The following CASKIN2 variants were observed in gnomAD, a reference collection of about 807,000 sequenced individuals.
CASKIN2 encodes the protein caskin-2.
CASKIN2 carries 41 observed loss-of-function variants against 107.1 expected under a neutral mutation model. The ratio of observed to expected loss-of-function variants is 0.38; its 90% CI spans 0.30 to 0.50. The LOEUF is 0.50. CASKIN2 is among the 20% of genes least tolerant of loss of function. CASKIN2 has a pLI of 0.92. For synonymous variants in CASKIN2, 724 were observed against 705.6 expected (o/e 1.03, Z -0.41); for missense variants, 1,546 against 1,657.4 (o/e 0.93, Z 1.17).
Position 75,506,437 on chromosome 17 carries a change from G to A in CASKIN2, c.618-24C>T, listed in dbSNP as rs374721272. On this transcript the variant is annotated intron_variant, in intron 7 of 19. Transcript: ENST00000321617. This position sits in a 1 kb window ranked among gnomAD's most constrained non-coding sequence, Gnocchi z 4.8. ...GCCTGCAGTGGACGGGGGGAGTCAC[G>A]GGGGAGGTGGCGTAGGAGGGGGTGC... is the stretch of plus-strand genomic sequence containing the variant. The A allele has an allele frequency of 7.5e-6, 12 of 1,600,128 alleles. No individual in the cohort carries two copies. Among genetic ancestry groups the A allele is most frequent in the East Asian group, 2.2e-5 (1 of 44,844 alleles).
At chr17:75,504,548 T>TG in intron 12 of CASKIN2, 24 bp downstream of exon 12, 2 of 1,594,544 alleles carry the variant, frequency 1.3e-6, no homozygotes, top group Non-Finnish European at 1.7e-6. Flanking sequence ...AGCCCTGACC[T>TG]GGTCCGTGAC....
At chr17:75,503,277 C>A (rs2146983494) in intron 17 of CASKIN2, 23 bp from the exon 18 acceptor site, 2 of 1,575,122 alleles carry the variant, frequency 1.3e-6, no homozygotes, top group African/African-American at 2.7e-5. Context: ...ACGGAAGTGG[C>A]AAGGTTAGCT....
In CASKIN2 at chr17:75,501,095, G is replaced by A. The variant is rs181867047; in HGVS notation, c.3594C>T (p.Asp1198=). ...GCTGGAGGGCTCAGTCCAGCATGGC[G>A]TCCAGCTGGTCAGCCAGGGCGTCGA... ...TMFDALADQL[D]AMLD Residue 1198 remains aspartate, a synonymous_variant, in exon 20 of 20, where the codon GAC becomes GAT. Coordinates refer to ENST00000321617, the MANE Select transcript of CASKIN2 (RefSeq NM_020753.5). 6.0e-5 allele frequency: 94 copies of A among 1,579,336 alleles called. No homozygotes were observed. Among genetic ancestry groups the A allele is most frequent in the African/African-American group, 4.8e-4 (36 of 74,382 alleles).
At chr17:75,511,630 T>G (rs934669339) in intron 2 of CASKIN2, among the ~76,000 whole-genome samples, 1 of 152,190 alleles carries the variant, frequency 6.6e-6, no homozygotes, top group Non-Finnish European at 1.5e-5. Context: ...CTCAGAGGAC[T>G]GGGAGGGGAG....
chr17:75,506,670 A>G lies in CASKIN2; in HGVS notation c.530T>C (p.Leu177Pro). Reference sequence around the variant, plus strand: ...ACACGGGTCTTTGGCCTCACCCTCCAGCAGTGCCACACATAAGTGGCTGTT... The same window carrying G: ...ACACGGGTCTTTGGCCTCACCCTCCGGCAGTGCCACACATAAGTGGCTGTT... ...LLNSHLCVAL[L>P]EGEAKDPCDP... The change falls in exon 7 of 20, where the codon CTG becomes CCG. Residue 177 changes from leucine to proline, a missense_variant. Physicochemically the swap from Leu to Pro is moderately conservative, Grantham distance 98 (BLOSUM62 -3). Around this residue, in one of 6 missense-constraint regions of CASKIN2, gnomAD observed 31 missense variants for 28.7 expected, o/e 1.08. Coordinates refer to ENST00000321617, the MANE Select transcript of CASKIN2 (RefSeq NM_020753.5). The surrounding 1 kb of genome is among the most constrained non-coding windows in gnomAD (Gnocchi z 4.8). 1 of 1,613,424 alleles carries G rather than the reference A, an allele frequency of 6.2e-7. No homozygotes were observed. Among genetic ancestry groups the G allele is most frequent in the Non-Finnish European group, 8.5e-7 (1 of 1,179,964 alleles).
chr17:75,508,187 C>G lies in CASKIN2; in HGVS notation c.146+47G>C, dbSNP rs570876853. 5 of 1,600,736 alleles carry G rather than the reference C, an allele frequency of 3.1e-6. No homozygotes were observed. In the Admixed American group the frequency reaches 8.3e-5, roughly 27 times the overall value. Reference sequence around the variant, plus strand: ...CTCCAGCCCCACCCCTGGGGCTCTACTGCCCCCACCCAGCAGCTCTGCAGA... The same window carrying G: ...CTCCAGCCCCACCCCTGGGGCTCTAGTGCCCCCACCCAGCAGCTCTGCAGA... On this transcript the variant is annotated intron_variant, in intron 3 of 19. Transcript: ENST00000321617.
rs2053275530 is a variant in CASKIN2, at chr17:75,507,248, G to A, written c.245-119C>T. 2.6e-6 allele frequency: 3 copies of A among 1,161,406 alleles called. No individual in the cohort carries two copies. The Admixed American group carries it at 7.7e-5, about 30-fold the overall frequency. 71.9% of individuals were successfully genotyped at this position (1,161,406 alleles called of 1,614,324 possible). A position where few individuals can be genotyped will look rare whatever the true frequency, so the allele number is the denominator to read the frequency against. ...GGCAGAGAGCCCACGGGGATGCAAT[G>A]CTGGCTCTATCCAGGTGTGCTTAGG... is the stretch of plus-strand genomic sequence containing the variant. On this transcript the variant is annotated intron_variant, in intron 4 of 19. Transcript: ENST00000321617.
At chr17:75,507,558 G>C in intron 4 of CASKIN2, 26 bp downstream of exon 4, 5 of 1,572,894 alleles carry the variant, frequency 3.2e-6, no homozygotes, top group Non-Finnish European at 3.5e-6. Context: ...CCCAGGGTGG[G>C]GGTCGGGGGC....
chr17:75,502,013 G>A lies in CASKIN2; in HGVS notation c.3061C>T (p.Pro1021Ser). Residue 1021 changes from proline to serine, a missense_variant, in exon 18 of 20, where the codon CCA (proline) becomes TCA (serine). Pro to Ser is a moderately conservative substitution (Grantham distance 74). Coordinates refer to ENST00000321617, the MANE Select transcript of CASKIN2 (RefSeq NM_020753.5). The surrounding 1 kb of genome is among the most constrained non-coding windows in gnomAD (Gnocchi z 4.3). ...VASATPGPAA[P>S]LPSPTPGESP... Reference sequence around the variant, plus strand: ...TCGCCAGGAGTTGGGGAAGGCAGTGGGGCAGCGGGGCCAGGCGTGGCACTG... The same window carrying A: ...TCGCCAGGAGTTGGGGAAGGCAGTGAGGCAGCGGGGCCAGGCGTGGCACTG... The A allele has an allele frequency of 6.2e-7, 1 of 1,612,738 alleles. No individual in the cohort carries two copies. The highest frequency in any genetic ancestry group is 8.5e-7 in the Non-Finnish European group (1 of 1,179,854).
At chr17:75,514,677 G>T (rs1036950392) in intron 1 of CASKIN2, among the ~76,000 whole-genome samples, 1 of 152,212 alleles carries the variant, frequency 6.6e-6, no homozygotes, top group African/African-American at 2.4e-5. Flanking sequence ...AGGCTTCAAG[G>T]CTTCGCTTTA....
intron 2 of CASKIN2, among the ~76,000 whole-genome samples, chr17:75,512,476 T>G (rs756972673): frequency 1.3e-5 from 2 of 152,054 alleles, no homozygotes; most frequent in Non-Finnish European, 2.9e-5. Context: ...CCCGGTCAGG[T>G]CTCGAGGCTA....
chr17:75,512,893 C>G (rs113748478), intron 2 of CASKIN2, among the ~76,000 whole-genome samples: 56 of 86,726 alleles, frequency 6.5e-4, no homozygotes, highest in African/African-American at 1.9e-3. Flanking sequence ...AAGCAAGACT[C>G]CGTCTCAAAA....
At chr17:75,508,567 G>T (rs1212529377) in intron 2 of CASKIN2, among the ~76,000 whole-genome samples, 3 of 152,222 alleles carry the variant, frequency 2.0e-5, no homozygotes, top group South Asian at 2.1e-4. Flanking sequence ...GGACTGGCAC[G>T]ATGTGCCCTC....
chr17:75,501,110 C>A lies in CASKIN2; in HGVS notation c.3579G>T (p.Leu1193=). Reference sequence around the variant, plus strand: ...CCAGCATGGCGTCCAGCTGGTCAGCCAGGGCGTCGAACATGGTGCTGATGT... The same window carrying A: ...CCAGCATGGCGTCCAGCTGGTCAGCAAGGGCGTCGAACATGGTGCTGATGT... ...LDDISTMFDA[L]ADQLDAMLD The change falls in exon 20 of 20, where the codon CTG becomes CTT. Residue 1193 remains leucine (L), a synonymous_variant. Coordinates refer to ENST00000321617, the MANE Select transcript of CASKIN2 (RefSeq NM_020753.5). The A allele has an allele frequency of 5.0e-6, 8 of 1,587,414 alleles. No individual in the cohort carries two copies. The highest frequency in any genetic ancestry group is 6.9e-6 in the Non-Finnish European group (8 of 1,166,836).
rs1308937301 is a variant in CASKIN2, at chr17:75,502,642, G to A, written c.2432C>T (p.Ala811Val). Residue 811 changes from alanine to valine, a missense_variant, in exon 18 of 20, where the codon GCT becomes GTT. By Grantham distance (64) the Ala-to-Val change is moderately conservative. Coordinates refer to ENST00000321617, the MANE Select transcript of CASKIN2 (RefSeq NM_020753.5). The surrounding 1 kb of genome is among the most constrained non-coding windows in gnomAD (Gnocchi z 4.3). ...LSRPGPTEGD[A>V]EGEAEGPVGS... Reference sequence around the variant, plus strand: ...CACTGGCCCTTCGGCCTCCCCCTCAGCATCCCCCTCTGTGGGGCCAGGGCG... The same window carrying A: ...CACTGGCCCTTCGGCCTCCCCCTCAACATCCCCCTCTGTGGGGCCAGGGCG... The A allele has an allele frequency of 1.9e-6, 3 of 1,605,622 alleles. No homozygotes were observed. The highest frequency in any genetic ancestry group is 1.1e-5 in the South Asian group (1 of 89,974).
At position 75,503,952 on chromosome 17, in the gene CASKIN2, G is replaced by GCCTGCGCGT; in HGVS notation, c.1469_1477dup (p.Asp490_Gln492dup). ...GAACTCGCTTAGCCAGTTATGAATG[G>GCCTGCGCGT]CCTGCGCGTCCTGCGGGGTGGGGGA... is the stretch of plus-strand genomic sequence containing the variant. On this transcript the variant is annotated inframe_insertion, in exon 15 of 20. Transcript: ENST00000321617. The GCCTGCGCGT allele has an allele frequency of 1.2e-6, 2 of 1,611,770 alleles. No individual in the cohort carries two copies. Among genetic ancestry groups the GCCTGCGCGT allele is most frequent in the Non-Finnish European group, 1.7e-6 (2 of 1,179,570 alleles).
In CASKIN2 at chr17:75,513,731, T is replaced by C. The variant is rs770422748; in HGVS notation, c.74A>G (p.Lys25Arg). 6.3e-7 allele frequency: 1 copy of C among 1,596,346 alleles called. No individual in the cohort carries two copies. The highest frequency in any genetic ancestry group is 1.1e-5 in the South Asian group (1 of 90,798). The change falls in exon 2 of 20, where the codon AAG (lysine) becomes AGG (arginine). Residue 25 changes from lysine (K) to arginine (R), a missense_variant. Transcript: ENST00000321617. ...CTCACTTGTCTTTGTGGCCTTGACC[T>C]TCGCCACCAGTTTCTGCACACCGGT... Reference protein sequence around the residue: ...DVTGVQKLVAKVKATKTKLLG... With the variant: ...DVTGVQKLVARVKATKTKLLG...
chr17:75,505,108 C>A lies in CASKIN2; in HGVS notation c.931-35G>T. On this transcript the variant is annotated intron_variant, in intron 10 of 19. Coordinates refer to ENST00000321617, the MANE Select transcript of CASKIN2 (RefSeq NM_020753.5). The surrounding 1 kb of genome is among the most constrained non-coding windows in gnomAD (Gnocchi z 5.1). The stretch of plus-strand genomic sequence containing the variant: ...GGGGTGGGGGGCGGGGACGGTCACT[C>A]CCAGCACCAGGCAAGTGGCAAACGG... 1 of 1,601,330 alleles carries A rather than the reference C, an allele frequency of 6.2e-7. No homozygotes were observed. Among genetic ancestry groups the A allele is most frequent in the Non-Finnish European group, 8.5e-7 (1 of 1,176,596 alleles).
chr17:75,504,202 G>T lies in CASKIN2; in HGVS notation c.1467+13C>A. On this transcript the variant is annotated intron_variant, in intron 14 of 19. Transcript: ENST00000321617. ...CCCCCCGAGGCCCACGGTGCACCCC[G>T]TGGAGGTCACACCTTCCCCTCCAGC... The T allele has an allele frequency of 6.6e-7, 1 of 1,506,480 alleles. No homozygotes were observed. The highest frequency in any genetic ancestry group is 9.0e-7 in the Non-Finnish European group (1 of 1,110,688). The allele number at this position is 1,506,480 out of a possible 1,614,324, so 93.3% of individuals were successfully genotyped here. A position where few individuals can be genotyped will look rare whatever the true frequency, so the allele number is the denominator to read the frequency against.
Sources: allele counts gnomAD v4.1 joint callset (sites outside exome capture counted in the v4.1 genomes callset), GRCh38; gene constraint gnomAD v4.1.1; regional missense constraint gnomAD v4.1.1; non-coding constraint Gnocchi (gnomAD v3.1); transcripts MANE v1.5; gene names NCBI Gene and HGNC (gene_info 2026-07-23, HGNC 2026-07-21).